PTPRT: variants seen among roughly 807,000 people sequenced by gnomAD.
PTPRT encodes the protein receptor-type tyrosine-protein phosphatase T.
Under a neutral mutation model 176.8 loss-of-function variants are expected in PTPRT, and 56 were observed. That is an observed-to-expected ratio of 0.32 (90% CI 0.26 to 0.40). The LOEUF is 0.40. Among genes scored for constraint, PTPRT ranks in the 10% least tolerant of loss-of-function variants. The probability of loss-of-function intolerance (pLI) is 1.00; values close to 1 mark genes in which losing one functional copy is unlikely to be tolerated. For synonymous variants in PTPRT, 783 were observed against 739.0 expected, an observed-to-expected ratio of 1.06 and a Z score of -0.96; for missense variants, 1,540 against 1,908.2, an observed-to-expected ratio of 0.81 and a Z score of 3.60.
chr20:42,369,583 G>A (rs1329008301), intron 9 of PTPRT, among the ~76,000 whole-genome samples: 1 of 152,160 alleles, frequency 6.6e-6, no homozygotes, highest in Admixed American at 6.5e-5. Context: ...AGAGCTCAAA[G>A]GCCCAGAGAT....
intron 1 of PTPRT, among the ~76,000 whole-genome samples, chr20:43,093,327 C>A (rs1194530934): frequency 6.6e-6 from 1 of 152,220 alleles, no homozygotes; most frequent in Non-Finnish European, 1.5e-5. Context: ...TTCCACTTTA[C>A]AATGTGCATA....
At chr20:42,675,277 G>A (rs918253377) in intron 7 of PTPRT, among the ~76,000 whole-genome samples, 2 of 152,098 alleles carry the variant, frequency 1.3e-5, no homozygotes, top group African/African-American at 4.8e-5. Flanking sequence ...AAAATGCTTG[G>A]GACCAGAAGC....
At chr20:42,039,692 G>GTGTATATATATATATATATATATATA in the PTPRT span, among the ~76,000 whole-genome samples, 49 of 113,274 alleles carry the variant, frequency 4.3e-4, 2 homozygotes, top group Non-Finnish European at 4.6e-4. Flanking sequence ...ATTCTGTTGT[G>GTGTATATATATATATATATATATATA]TATATATATA....
In PTPRT at chr20:42,351,104, C is replaced by T. The variant is rs73906916; in HGVS notation, c.1763-374G>A. ...AAATTACATCAATTATGAACTACTT[C>T]CCCTCTACCTTTTTTTTTTTTCCTT... On this transcript the variant is annotated intron_variant, in intron 10 of 30. Transcript: ENST00000373187. Among the ~76,000 whole-genome samples the T allele has an allele frequency of 5.6e-3, 737 of 131,426 alleles. 5 individuals carry two copies. The highest frequency in any genetic ancestry group is 0.018 in the African/African-American group (703 of 38,030). 86.2% of individuals were successfully genotyped at this position (131,426 alleles called of 152,430 possible).
intron 1 of PTPRT, among the ~76,000 whole-genome samples, chr20:42,989,084 C>A (rs1381691773): frequency 6.6e-6 from 1 of 152,166 alleles, no homozygotes; most frequent in African/African-American, 2.4e-5. Context: ...AATGAATGGG[C>A]AAATGCCATC....
intron 7 of PTPRT, among the ~76,000 whole-genome samples, chr20:42,661,302 G>C (rs958541547): frequency 6.6e-6 from 1 of 152,244 alleles, no homozygotes; most frequent in Middle Eastern, 3.4e-3. Flanking sequence ...TTTATTTTAT[G>C]CTGTAGAGTG....
Position 42,149,994 on chromosome 20 carries a change from T to C in PTPRT, c.2683-7992A>G, listed in dbSNP as rs565349063. On this transcript the variant is annotated intron_variant, in intron 17 of 30. Transcript: ENST00000373187. ...GCTGTGCTGACTCAGTCCATAGGACTATGAAACCTACCTCAATGTCCCACT... is the reference window on the plus strand; with the variant it reads ...GCTGTGCTGACTCAGTCCATAGGACCATGAAACCTACCTCAATGTCCCACT... 1.7e-3 allele frequency among the ~76,000 whole-genome samples: 259 copies of C among 152,306 alleles called. 2 individuals carry two copies. The highest frequency in any genetic ancestry group is 6.0e-3 in the African/African-American group (250 of 41,568).
Position 42,352,235 on chromosome 20 carries a change from G to T in PTPRT, c.1611C>A (p.Ser537Arg), listed in dbSNP as rs2145524860. The T allele has an allele frequency of 6.2e-7, 1 of 1,614,138 alleles. No homozygotes were observed. Among genetic ancestry groups the T allele is most frequent in the Non-Finnish European group, 8.5e-7 (1 of 1,180,026 alleles). The change falls in exon 10 of 31, where the codon AGC becomes AGA. Residue 537 changes from serine (S) to arginine (R), a missense_variant. By Grantham distance (110) the Ser-to-Arg change is moderately radical. This residue lies in a region of PTPRT where 136 missense variants were observed against 135.0 expected (regional missense o/e 1.01). Transcript: ENST00000373187. Reference protein sequence around the residue: ...GSLDPSADLSSQRGKVFKLRN... With the variant: ...GSLDPSADLSRQRGKVFKLRN... ...GGAGCTTGAACACTTTCCCCCTCTG[G>T]CTCGAGAGGTCAGCACTTGGGTCCA...
At chr20:42,883,754 A>C (rs141046880) in intron 2 of PTPRT, among the ~76,000 whole-genome samples, 98 of 1,070 alleles carry the variant, frequency 0.092, 1 homozygote, top group Middle Eastern at 0.25. Context: ...ACACATACCC[A>C]TACACATGCA....
At chr20:42,250,536 G>C (rs962289324) in intron 13 of PTPRT, among the ~76,000 whole-genome samples, 3 of 151,966 alleles carry the variant, frequency 2.0e-5, no homozygotes, top group Non-Finnish European at 4.4e-5. Flanking sequence ...TCCTCTCTCA[G>C]AGCACTTTCC....
chr20:42,270,439 C>G (rs951719751), intron 13 of PTPRT: 4 of 1,445,924 alleles, frequency 2.8e-6, no homozygotes, highest in Non-Finnish European at 3.7e-6. Flanking sequence ...GTCACCTGGG[C>G]GCTGCCCATT....
chr20:42,453,561 GTT>G (rs2145868596), intron 8 of PTPRT, among the ~76,000 whole-genome samples: 1 of 151,840 alleles, frequency 6.6e-6, no homozygotes, highest in East Asian at 1.9e-4. Flanking sequence ...TTGAAGCACT[GTT>G]TATGCCCATC....
At chr20:42,279,703 G>A (rs1172792420) in intron 13 of PTPRT, among the ~76,000 whole-genome samples, 1 of 152,176 alleles carries the variant, frequency 6.6e-6, no homozygotes, top group African/African-American at 2.4e-5. Context: ...CTGGAGCCAG[G>A]TGTGTGTCTA....
intron 12 of PTPRT, 73 bp from the exon 13 acceptor site, chr20:42,282,598 T>C (rs970375040): frequency 5.0e-6 from 6 of 1,199,660 alleles, no homozygotes; most frequent in Admixed American, 2.0e-5. Context: ...AAGACAAAAA[T>C]ACATATATAT....
intron 15 of PTPRT, among the ~76,000 whole-genome samples, chr20:42,217,082 A>G (rs1364044700): frequency 6.6e-6 from 1 of 152,130 alleles, no homozygotes; most frequent in Admixed American, 6.5e-5. Context: ...CACCTCAAAC[A>G]TTACATCCAG....
chr20:42,783,591 GA>G (rs1439954059), intron 3 of PTPRT, among the ~76,000 whole-genome samples: 1 of 152,162 alleles, frequency 6.6e-6, no homozygotes, highest in Non-Finnish European at 1.5e-5. Flanking sequence ...CTAGCCATAG[GA>G]AGCCCCACCC....
chr20:42,998,524 T>A (rs975883885), intron 1 of PTPRT, among the ~76,000 whole-genome samples: 3 of 152,158 alleles, frequency 2.0e-5, no homozygotes, highest in Non-Finnish European at 2.9e-5. Flanking sequence ...AATGAAACAT[T>A]CATAACAAGG....
chr20:43,045,994 A>C (rs1986822410), intron 1 of PTPRT, among the ~76,000 whole-genome samples: 1 of 152,188 alleles, frequency 6.6e-6, no homozygotes, highest in Admixed American at 6.5e-5. Flanking sequence ...AAGAGATGGA[A>C]GAGTGAATGC....
chr20:42,776,197 G>A (rs1348803826), intron 4 of PTPRT, among the ~76,000 whole-genome samples: 9 of 152,142 alleles, frequency 5.9e-5, no homozygotes. Flanking sequence ...GCTAATCTCT[G>A]CACCTCTATC....
Sources: allele counts gnomAD v4.1 joint callset (sites outside exome capture counted in the v4.1 genomes callset), GRCh38; gene constraint gnomAD v4.1.1; regional missense constraint gnomAD v4.1.1; transcripts MANE v1.5; gene names NCBI Gene and HGNC (gene_info 2026-07-23, HGNC 2026-07-21).